CPVL: variants seen among roughly 807,000 people sequenced by gnomAD.
The protein encoded by CPVL is carboxypeptidase vitellogenic like.
CPVL carries 51 observed loss-of-function variants against 63.7 expected under a neutral mutation model. That is an observed-to-expected ratio of 0.80 (90% CI 0.64 to 1.01). CPVL has a LOEUF of 1.01. CPVL is among the 50% of genes least tolerant of loss of function. The pLI is 0.00. For missense variants in CPVL, 530 were observed against 573.1 expected, an observed-to-expected ratio of 0.92 and a Z score of 0.77; for synonymous variants, 195 against 206.0, an observed-to-expected ratio of 0.95 and a Z score of 0.46.
chr7:29,159,366 A>G (rs1229158522), intron 5 of CPVL, among the ~76,000 whole-genome samples: 1 of 152,198 alleles, frequency 6.6e-6, no homozygotes, highest in Non-Finnish European at 1.5e-5. Flanking sequence ...CAGAGCCTTC[A>G]TGGTCTTAAA....
At chr7:29,113,256 G>A (rs959952296) in intron 2 of CPVL, among the ~76,000 whole-genome samples, 4 of 152,044 alleles carry the variant, frequency 2.6e-5, no homozygotes, top group Non-Finnish European at 4.4e-5. Flanking sequence ...GCCTCGCCCC[G>A]AGAAGGCCTG....
chr7:29,021,702 T>G (rs756711597), intron 12 of CPVL, among the ~76,000 whole-genome samples: 1 of 151,880 alleles, frequency 6.6e-6, no homozygotes, highest in African/African-American at 2.4e-5. Flanking sequence ...CTGGAGTCCA[T>G]GTAATGACAT....
chr7:29,153,778 C>T (rs113853924), intron 5 of CPVL, among the ~76,000 whole-genome samples: 202 of 152,248 alleles, frequency 1.3e-3, no homozygotes, highest in Admixed American at 2.2e-3. Context: ...CCATGTTGGC[C>T]AGGCTGGTCT....
intron 12 of CPVL, among the ~76,000 whole-genome samples, chr7:29,023,415 G>A (rs1787199355): frequency 2.0e-5 from 3 of 152,132 alleles, no homozygotes; most frequent in Non-Finnish European, 4.4e-5. Flanking sequence ...ACTATCACGA[G>A]AATAGCACAG....
At chr7:29,088,645 C>A (rs1329900987) in intron 6 of CPVL, among the ~76,000 whole-genome samples, 1 of 152,110 alleles carries the variant, frequency 6.6e-6, no homozygotes, top group Non-Finnish European at 1.5e-5. Flanking sequence ...AATCTAGAAT[C>A]AAGCCCACAT....
At chr7:29,043,137 C>T (rs117773228) in intron 11 of CPVL, among the ~76,000 whole-genome samples, 2,959 of 152,254 alleles carry the variant, frequency 0.019, 47 homozygotes, top group Middle Eastern at 0.061. Flanking sequence ...ATCCCCACAC[C>T]CCCTCCCTGG....
chr7:29,130,245 C>T (rs1377815398), intron 1 of CPVL, among the ~76,000 whole-genome samples: 2 of 152,102 alleles, frequency 1.3e-5, no homozygotes, highest in Non-Finnish European at 2.9e-5. Flanking sequence ...GCCTGGTAGG[C>T]GTCCAGTGAA....
intron 1 of CPVL, among the ~76,000 whole-genome samples, chr7:29,130,689 G>T (rs1236752487): frequency 6.6e-6 from 1 of 152,134 alleles, no homozygotes; most frequent in African/African-American, 2.4e-5. Context: ...CCATATCTAG[G>T]TGATGTCAAA....
intron 12 of CPVL, among the ~76,000 whole-genome samples, chr7:29,018,160 A>G (rs1333608184): frequency 6.6e-6 from 1 of 152,208 alleles, no homozygotes; most frequent in Non-Finnish European, 1.5e-5. Flanking sequence ...ACCCAGTAAG[A>G]TTCGGTAAAA....
At chr7:29,106,683 A>G (rs867356792) in intron 3 of CPVL, among the ~76,000 whole-genome samples, 1 of 152,130 alleles carries the variant, frequency 6.6e-6, no homozygotes, top group East Asian at 1.9e-4. Context: ...GCAAAAAAAA[A>G]CAAAAATTAA....
chr7:29,057,383 T>C (rs997750676), intron 11 of CPVL, among the ~76,000 whole-genome samples: 68 of 152,356 alleles, frequency 4.5e-4, no homozygotes, highest in Non-Finnish European at 8.7e-4. Flanking sequence ...TTTAAAAATA[T>C]ATTTTGGTTA....
At chr7:28,995,012 A>C (rs1783939147), downstream of CPVL, among the ~76,000 whole-genome samples, 2 of 149,358 alleles carry the variant, frequency 1.3e-5, no homozygotes, top group Admixed American at 6.6e-5. Context: ...TTTTTTTGAT[A>C]TTCTAACAAT....
intron 11 of CPVL, among the ~76,000 whole-genome samples, chr7:29,049,693 C>T (rs946139703): frequency 5.9e-5 from 9 of 152,042 alleles, no homozygotes; most frequent in African/African-American, 2.2e-4. Flanking sequence ...AATACCAAAA[C>T]CAGGAAAGGA....
At chr7:29,141,818 G>A (rs952878853) in intron 1 of CPVL, among the ~76,000 whole-genome samples, 1 of 151,896 alleles carries the variant, frequency 6.6e-6, no homozygotes, top group Non-Finnish European at 1.5e-5. Context: ...AGGAGGCTGA[G>A]GCAGGAGAAT....
intron 7 of CPVL, among the ~76,000 whole-genome samples, chr7:29,085,256 C>T (rs1421340409): frequency 1.3e-5 from 2 of 152,212 alleles, no homozygotes; most frequent in African/African-American, 2.4e-5. Context: ...CTGGAACACA[C>T]CTTTGTGTCA....
At chr7:29,061,386 C>G (rs1165585262) in intron 11 of CPVL, among the ~76,000 whole-genome samples, 2 of 151,974 alleles carry the variant, frequency 1.3e-5, no homozygotes, top group African/African-American at 2.4e-5. Context: ...GCATTCCAGC[C>G]TGAGCAACAG....
chr7:29,170,721 C>T (rs577913782), intron 5 of CPVL, among the ~76,000 whole-genome samples: 5 of 152,254 alleles, frequency 3.3e-5, no homozygotes, highest in East Asian at 1.9e-4. Flanking sequence ...AAGACGTACT[C>T]GCGACTGGGC....
intron 1 of CPVL, among the ~76,000 whole-genome samples, chr7:29,191,199 T>G (rs1411567736): frequency 6.6e-6 from 1 of 152,140 alleles, no homozygotes; most frequent in Non-Finnish European, 1.5e-5. Context: ...ACTGAGTCAC[T>G]GGGATTATAG....
At chr7:29,036,496 G>C (rs1397803564) in intron 11 of CPVL, among the ~76,000 whole-genome samples, 3 of 152,048 alleles carry the variant, frequency 2.0e-5, no homozygotes, top group African/African-American at 7.2e-5. Flanking sequence ...CACTCTTTCA[G>C]AAAAAGGCCG....
Sources: gnomAD v4.1 joint callset for allele counts (sites outside exome capture counted in the v4.1 genomes callset) on GRCh38, gnomAD v4.1.1 for gene constraint, MANE v1.5 for transcripts, NCBI Gene and HGNC (gene_info 2026-07-23, HGNC 2026-07-21) for gene names.